The following PAH variants were observed in gnomAD, a reference collection of about 807,000 sequenced individuals.
PAH encodes the protein phenylalanine hydroxylase.
PAH carries 64 observed loss-of-function variants against 62.0 expected under a neutral mutation model. That is an observed-to-expected ratio of 1.03 (90% CI 0.84 to 1.27). PAH has a LOEUF of 1.27. PAH is among the 50% of genes most tolerant of loss of function. PAH has a pLI of 0.00. For synonymous variants in PAH, 195 were observed against 196.2 expected, an observed-to-expected ratio of 0.99 and a Z score of 0.05; for missense variants, 579 against 542.8, an observed-to-expected ratio of 1.07 and a Z score of -0.66.
intron 4 of PAH, among the ~76,000 whole-genome samples, chr12:102,872,262 T>C (rs1272157882): frequency 6.6e-6 from 1 of 152,180 alleles, no homozygotes; most frequent in Non-Finnish European, 1.5e-5. Flanking sequence ...TGCATCCATC[T>C]TTGTGACCTT....
At position 102,937,033 on chromosome 12, in the gene PAH, G is replaced by A. The variant is rs374541269; in HGVS notation, c.-96+13556C>T. Among the ~76,000 whole-genome samples, 26 of 152,262 alleles carry A rather than the reference G, an allele frequency of 1.7e-4. No homozygotes were observed. In the East Asian group the frequency reaches 2.3e-3, roughly 14 times the overall value. On this transcript the variant is annotated intron_variant, in intron 1 of 3. Transcript: ENST00000546844. The stretch of plus-strand genomic sequence containing the variant: ...AGGAGATCTGATGATTTTATAAGGG[G>A]CTTTTCCCCCTCTTGCTTGGCACTC...
chr12:102,851,678 A>G lies in PAH; in HGVS notation c.912+9T>C, dbSNP rs1464991589. 1.2e-6 allele frequency: 2 copies of G among 1,613,116 alleles called. No homozygotes were observed. The highest frequency in any genetic ancestry group is 1.7e-6 in the Non-Finnish European group (2 of 1,179,164). ...CTATAACTAGAAGGCTAAAAAATCC[A>G]TTCCTTACCTGGGAAAACTGGGCAA... On this transcript the variant is annotated intron_variant, in intron 8 of 12. Transcript: ENST00000553106.
chr12:102,942,859 C>G (rs1194231988), intron 1 of PAH, among the ~76,000 whole-genome samples: 1 of 152,108 alleles, frequency 6.6e-6, no homozygotes, highest in Non-Finnish European at 1.5e-5. Flanking sequence ...AGAGGACTAG[C>G]CATATGCTGA....
At chr12:102,862,104 A>G (rs1875754060) in intron 5 of PAH, among the ~76,000 whole-genome samples, 1 of 152,164 alleles carries the variant, frequency 6.6e-6, no homozygotes, top group South Asian at 2.1e-4. Flanking sequence ...ACATACACGC[A>G]TATGTTCACT....
chr12:102,917,267 G>C, upstream of PAH: 1 of 760,890 alleles, frequency 1.3e-6, no homozygotes, highest in South Asian at 1.5e-5. Context: ...CTCTTGCGTG[G>C]TGCATCTCCG....
chr12:102,923,866 G>A (rs557500981), intron 1 of PAH, among the ~76,000 whole-genome samples: 6 of 152,186 alleles, frequency 3.9e-5, no homozygotes, highest in Middle Eastern at 3.4e-3. Context: ...TTATCTCACC[G>A]TGCAGCCTAT....
intron 3 of PAH, chr12:102,886,363 A>T (rs1192194386): frequency 6.6e-6 from 1 of 152,210 alleles, no homozygotes; most frequent in Non-Finnish European, 1.5e-5. Context: ...TATGAGTGGA[A>T]TTATGAATAA....
chr12:102,880,759 G>A (rs992293326), intron 3 of PAH, among the ~76,000 whole-genome samples: 3 of 152,012 alleles, frequency 2.0e-5, no homozygotes, highest in Admixed American at 6.6e-5. Flanking sequence ...CACGAGATAA[G>A]CAATAAATAA....
rs1875369263 is a variant in PAH at position 102,855,266 on chromosome 12, C to G, written c.576G>C (p.Lys192Asn). The G allele has an allele frequency of 6.2e-7, 1 of 1,614,154 alleles. No homozygotes were observed. Among genetic ancestry groups the G allele is most frequent in the East Asian group, 2.2e-5 (1 of 44,884 alleles). ...EEKKTWGTVF[K>N]TLKSLYKTHA... The stretch of plus-strand genomic sequence containing the variant: ...GGGTTTTATACAAGGACTTCAGAGT[C>G]TTGAACACTGTGCCCCATGTTTTCT... The change falls in exon 6 of 13, where the codon AAG (lysine) becomes AAC (asparagine). Residue 192 changes from lysine to asparagine, a missense_variant. By Grantham distance (94) the Lys-to-Asn change is moderately conservative. Coordinates refer to ENST00000553106, the MANE Select transcript of PAH (RefSeq NM_000277.3).
intron 3 of PAH, among the ~76,000 whole-genome samples, chr12:102,894,160 T>C (rs573741392): frequency 6.6e-6 from 1 of 152,212 alleles, no homozygotes; most frequent in African/African-American, 2.4e-5. Context: ...ATTTTCTGCA[T>C]ATGGCTTTCG....
chr12:102,859,000 A>C (rs1565850090), intron 5 of PAH, among the ~76,000 whole-genome samples: 1 of 152,118 alleles, frequency 6.6e-6, no homozygotes, highest in Non-Finnish European at 1.5e-5. Context: ...AGATAGAGAC[A>C]CAAAAAAACC....
In PAH at chr12:102,895,272, G is replaced by A. The variant is rs147118697; in HGVS notation, c.169-354C>T. Among the ~76,000 whole-genome samples, 5 of 152,182 alleles carry A rather than the reference G, an allele frequency of 3.3e-5. No individual in the cohort carries two copies. In the East Asian group the frequency reaches 5.8e-4, roughly 18 times the overall value. On this transcript the variant is annotated intron_variant, in intron 2 of 12. Coordinates refer to ENST00000553106, the MANE Select transcript of PAH (RefSeq NM_000277.3). ...TAGGAAACACCCCCACTTTCCAAACGAAATTCTATGGAATTACAATAAATA... is the reference window on the plus strand; with the variant it reads ...TAGGAAACACCCCCACTTTCCAAACAAAATTCTATGGAATTACAATAAATA...
At chr12:102,950,061 T>C (rs1003541480) in intron 1 of PAH, 1 of 152,242 alleles carries the variant, frequency 6.6e-6, no homozygotes, top group Non-Finnish European at 1.5e-5. Context: ...TTTCTGTCTG[T>C]TTGTACTTAT....
chr12:102,839,145 C>T lies in PAH; in HGVS notation c.*30G>A, dbSNP rs1169371024. 1.9e-6 allele frequency: 3 copies of T among 1,607,090 alleles called. No individual in the cohort carries two copies. Among genetic ancestry groups the T allele is most frequent in the Middle Eastern group, 1.7e-4 (1 of 6,056 alleles). Reference sequence around the variant, plus strand: ...AGTTGGATCTCCATCAACAGATTCACAGCTGACAGACCACATTCTGTCCAT... The same window carrying T: ...AGTTGGATCTCCATCAACAGATTCATAGCTGACAGACCACATTCTGTCCAT... On this transcript the variant is annotated 3_prime_UTR_variant, in exon 13 of 13. Transcript: ENST00000553106.
chr12:102,867,249 A>G (rs1876020712), intron 4 of PAH, among the ~76,000 whole-genome samples: 1 of 152,208 alleles, frequency 6.6e-6, no homozygotes, highest in South Asian at 2.1e-4. Context: ...AAGTGGATCC[A>G]TAGTGACGGT....
intron 2 of PAH, among the ~76,000 whole-genome samples, chr12:102,903,563 G>C (rs76659109): frequency 0.11 from 15,982 of 152,112 alleles, 1,000 homozygotes; most frequent in Non-Finnish European, 0.14. Flanking sequence ...CTGATGAGGG[G>C]GAGGAGTGGA....
chr12:102,936,753 T>C (rs1377423168), intron 1 of PAH, among the ~76,000 whole-genome samples: 3 of 152,224 alleles, frequency 2.0e-5, no homozygotes, highest in Admixed American at 6.5e-5. Flanking sequence ...TCTTTATTTT[T>C]AGTCTTTGTG....
At chr12:102,912,032 C>T (rs904277024) in intron 2 of PAH, among the ~76,000 whole-genome samples, 4 of 152,178 alleles carry the variant, frequency 2.6e-5, no homozygotes, top group African/African-American at 9.7e-5. Flanking sequence ...ATCAACGTTT[C>T]CTAAACTCTG....
At chr12:102,902,085 C>T (rs1420165442) in intron 2 of PAH, among the ~76,000 whole-genome samples, 1 of 152,174 alleles carries the variant, frequency 6.6e-6, no homozygotes, top group Admixed American at 6.5e-5. Context: ...TTAAACAATG[C>T]AGCCACGAAG....
Sources: gnomAD v4.1 joint callset for allele counts (sites outside exome capture counted in the v4.1 genomes callset) on GRCh38, gnomAD v4.1.1 for gene constraint, MANE v1.5 for transcripts, NCBI Gene and HGNC (gene_info 2026-07-23, HGNC 2026-07-21) for gene names.